CDH3: variants seen among roughly 807,000 people sequenced by gnomAD.
CDH3 encodes cadherin 3, also known as cadherin-3.
In CDH3, 54 loss-of-function variants were observed where a neutral mutation model predicts 82.0. The observed-to-expected ratio is 0.66, with a 90% CI of 0.53 to 0.83. CDH3 has a LOEUF of 0.83. CDH3 is among the 40% of genes least tolerant of loss of function. CDH3 has a pLI of 0.00. For synonymous variants in CDH3, 446 were observed against 437.9 expected (o/e 1.02, Z -0.23); for missense variants, 1,054 against 1,084.6 (o/e 0.97, Z 0.40).
intron 1 of CDH3, among the ~76,000 whole-genome samples, chr16:68,712,182 G>T (rs189568010): frequency 6.6e-6 from 1 of 151,882 alleles, no homozygotes; most frequent in Admixed American, 6.6e-5. Flanking sequence ...CACTACAGGT[G>T]CATGTGACTA....
chr16:68,694,622 CAAAA>C (rs11328814), intron 13 of CDH3, among the ~76,000 whole-genome samples: 22 of 141,668 alleles, frequency 1.6e-4, no homozygotes, highest in Admixed American at 2.1e-4. Context: ...GACTCTGTCT[CAAAA>C]AAAAAAAAAA....
At chr16:68,654,467 C>T (rs1471960638) in intron 2 of CDH3, among the ~76,000 whole-genome samples, 1 of 117,642 alleles carries the variant, frequency 8.5e-6, no homozygotes, top group African/African-American at 3.4e-5. Flanking sequence ...CTTTGGGAGG[C>T]CGAGGCAGGC....
intron 2 of CDH3, among the ~76,000 whole-genome samples, chr16:68,654,278 C>G (rs1268356185): frequency 6.8e-6 from 1 of 148,104 alleles, no homozygotes; most frequent in Non-Finnish European, 1.5e-5. Flanking sequence ...CCAGGATGAT[C>G]TCGATCTTCT....
intron 2 of CDH3, among the ~76,000 whole-genome samples, chr16:68,667,454 G>T (rs944106545): frequency 1.3e-5 from 2 of 152,120 alleles, no homozygotes; most frequent in African/African-American, 4.8e-5. Flanking sequence ...TCACTTGATG[G>T]ACATTTTGTC....
At chr16:68,725,686 G>T (rs1190984894) in intron 2 of CDH3, among the ~76,000 whole-genome samples, 1 of 152,048 alleles carries the variant, frequency 6.6e-6, no homozygotes, top group Admixed American at 6.6e-5. Flanking sequence ...ATTATTCTCA[G>T]TTGTACAGAT....
intron 3 of CDH3, 99 bp from the exon 4 acceptor site, chr16:68,678,035 T>TA (rs1211023980): frequency 2.6e-6 from 3 of 1,140,018 alleles, no homozygotes; most frequent in South Asian, 2.5e-5. Flanking sequence ...AGGCGTGAGC[T>TA]ACCATGCCCA....
chr16:68,671,029 C>T (rs188752837), intron 2 of CDH3, among the ~76,000 whole-genome samples: 18 of 152,198 alleles, frequency 1.2e-4, no homozygotes, highest in African/African-American at 4.1e-4. Flanking sequence ...GCTGAGATTA[C>T]ACCACTGCAC....
Position 68,708,641 on chromosome 16 carries a change from CTT to C in CDH3, c.99+12728_99+12729del, listed in dbSNP as rs147333341. Among the ~76,000 whole-genome samples, 70 of 147,602 alleles carry C rather than the reference CTT, an allele frequency of 4.7e-4. 2 individuals are homozygous for C. The highest frequency in any genetic ancestry group is 3.4e-3 in the Middle Eastern group (1 of 290). ...TCTTTTCTTTTCTTTCTTTCTTTTTCTTTTTTTTTTTCTTTTTTTTGAGACCG... is the reference window on the plus strand; with the variant it reads ...TCTTTTCTTTTCTTTCTTTCTTTTTCTTTTTTTTTCTTTTTTTTGAGACCG... On this transcript the variant is annotated intron_variant, in intron 1 of 2. Coordinates refer to the CDH3 transcript ENST00000569080.
intron 2 of CDH3, among the ~76,000 whole-genome samples, chr16:68,675,052 G>T (rs1243734699): frequency 1.3e-5 from 2 of 151,298 alleles, no homozygotes; most frequent in African/African-American, 4.8e-5. Context: ...GGTGGAGGTT[G>T]CAGTGAGCCG....
rs1242228226 is a variant in CDH3 at position 68,680,966 on chromosome 16, A to T, written c.868-2A>T. 3 of 1,614,090 alleles carry T rather than the reference A, an allele frequency of 1.9e-6. No homozygotes were observed. The highest frequency in any genetic ancestry group is 2.5e-6 in the Non-Finnish European group (3 of 1,179,992). On this transcript the variant is annotated splice_acceptor_variant, in intron 7 of 15. Coordinates refer to ENST00000264012, the MANE Select transcript of CDH3 (RefSeq NM_001793.6). LOFTEE classifies it high-confidence loss of function. ...TGGGCTTCCCCTCTCCTTTCTCCCCAGAAAGTCCCTGAGTACACACTGACC... is the reference window on the plus strand; with the variant it reads ...TGGGCTTCCCCTCTCCTTTCTCCCCTGAAAGTCCCTGAGTACACACTGACC...
At chr16:68,718,076 C>T (rs147361065) in intron 1 of CDH3, among the ~76,000 whole-genome samples, 1 of 152,164 alleles carries the variant, frequency 6.6e-6, no homozygotes, top group East Asian at 1.9e-4. Context: ...GTGGCACAAT[C>T]ATGGCTCACT....
At chr16:68,692,067 C>G in intron 13 of CDH3, 141 bp downstream of exon 13, 1 of 643,210 alleles carries the variant, frequency 1.6e-6, no homozygotes, top group Non-Finnish European at 2.7e-6. Context: ...GACAGGGTCT[C>G]ACTCTGTCAC....
intron 14 of CDH3, 50 bp downstream of exon 14, chr16:68,695,435 C>T: frequency 6.4e-7 from 1 of 1,561,302 alleles, no homozygotes; most frequent in Non-Finnish European, 8.7e-7. Context: ...CCTAAGGCCA[C>T]TGGCAGGGCT....
intron 2 of CDH3, among the ~76,000 whole-genome samples, chr16:68,672,580 C>T (rs1010936141): frequency 3.9e-5 from 6 of 152,210 alleles, no homozygotes; most frequent in South Asian, 4.1e-4. Flanking sequence ...ACCTGGGGAT[C>T]GTGTGGCCCC....
chr16:68,728,690 A>G (rs751371203), downstream of CDH3, among the ~76,000 whole-genome samples: 1 of 152,164 alleles, frequency 6.6e-6, no homozygotes, highest in Non-Finnish European at 1.5e-5. Flanking sequence ...TGGTTAATGA[A>G]TGTTTGTTGT....
downstream of CDH3, among the ~76,000 whole-genome samples, chr16:68,730,090 G>C (rs1390384863): frequency 6.6e-6 from 1 of 151,988 alleles, no homozygotes; most frequent in Non-Finnish European, 1.5e-5. Flanking sequence ...AAAATTAGCT[G>C]GGCTTGGTGG....
intron 2 of CDH3, among the ~76,000 whole-genome samples, chr16:68,668,997 T>C (rs1383377076): frequency 1.3e-5 from 2 of 152,232 alleles, no homozygotes; most frequent in Non-Finnish European, 2.9e-5. Flanking sequence ...AGCTTCTATA[T>C]AATCATACAA....
At chr16:68,666,011 C>G (rs1027626233) in intron 2 of CDH3, among the ~76,000 whole-genome samples, 1 of 152,146 alleles carries the variant, frequency 6.6e-6, no homozygotes, top group Non-Finnish European at 1.5e-5. Flanking sequence ...GGACCTTTGT[C>G]TTTTCAAAGG....
At position 68,689,898 on chromosome 16, in the gene CDH3, C is replaced by T. The variant is rs139668774; in HGVS notation, c.1796-1822C>T. 3.1e-3 allele frequency among the ~76,000 whole-genome samples: 473 copies of T among 152,258 alleles called. 2 individuals are homozygous for T. The highest frequency in any genetic ancestry group is 9.9e-3 in the African/African-American group (411 of 41,544). ...ATTGCCCCAGTGATTGGGGGCACTA[C>T]GGGCATTTAGTGGTAGAAACCCGCA... On this transcript the variant is annotated intron_variant, in intron 12 of 15. Transcript: ENST00000264012.
Sources: allele counts gnomAD v4.1 joint callset (sites outside exome capture counted in the v4.1 genomes callset), GRCh38; gene constraint gnomAD v4.1.1; transcripts MANE v1.5; gene names NCBI Gene and HGNC (gene_info 2026-07-23, HGNC 2026-07-21).